Variants in RECQL5 observed in about 807,000 individuals in gnomAD.
RECQL5 encodes RecQ like helicase 5, also known as ATP-dependent DNA helicase Q5.
Under a neutral mutation model 103.4 loss-of-function variants are expected in RECQL5, and 88 were observed. The observed-to-expected ratio is 0.85, with a 90% CI of 0.72 to 1.02. The LOEUF (loss-of-function observed/expected upper bound fraction) is 1.02. Among genes scored for constraint, RECQL5 ranks in the 50% least tolerant of loss-of-function variants. The pLI, the probability that RECQL5 is intolerant of heterozygous loss-of-function variation, is 0.00. For missense variants in RECQL5, 1,232 were observed against 1,284.3 expected (o/e 0.96, Z 0.62); for synonymous variants, 552 against 507.9 (o/e 1.09, Z -1.17).
At position 75,650,481 on chromosome 17, in the gene RECQL5, C is replaced by T. The variant is rs183831963; in HGVS notation, c.1229+705G>A. ...AGTGGCCTCAGTCTACCATGAGCTT[C>T]GTGACTGTGACCTCTCTGGACCTCA... On this transcript the variant is annotated intron_variant, in intron 8 of 19. Coordinates refer to ENST00000317905, the MANE Select transcript of RECQL5 (RefSeq NM_004259.7). The T allele has an allele frequency of 5.0e-6, 7 of 1,390,118 alleles. No homozygotes were observed. In the South Asian group the frequency reaches 6.5e-5, roughly 13 times the overall value. The allele number at this position is 1,390,118 out of a possible 1,614,324, so 86.1% of individuals were successfully genotyped here. A position where few individuals can be genotyped will look rare whatever the true frequency, so the allele number is the denominator to read the frequency against.
chr17:75,628,353 G>C lies in RECQL5; in HGVS notation c.2670C>G (p.Ser890Arg), dbSNP rs981528060. ...CCGTGGGATTCAAGGTGCCCTGTTC[G>C]CTGGCCGAGACGCTGCCCTTGACCT... ...VAEVKGSVSA[S>R]EQGTLNPTAQ... Residue 890 changes from serine (S) to arginine (R), a missense_variant, in exon 18 of 20, where the codon AGC (serine) becomes AGG (arginine). Coordinates refer to ENST00000317905, the MANE Select transcript of RECQL5 (RefSeq NM_004259.7). 5 of 1,613,926 alleles carry C rather than the reference G, an allele frequency of 3.1e-6. No individual in the cohort carries two copies. The highest frequency in any genetic ancestry group is 4.2e-6 in the Non-Finnish European group (5 of 1,180,042).
chr17:75,666,394 A>C, intron 2 of RECQL5, 34 bp downstream of exon 2: 1 of 1,613,018 alleles, frequency 6.2e-7, no homozygotes, highest in Non-Finnish European at 8.5e-7. Context: ...TATAGCCAGC[A>C]TAAATTTAAA....
intron 7 of RECQL5, 102 bp from the exon 8 acceptor site, chr17:75,651,367 A>T: frequency 7.4e-7 from 1 of 1,343,986 alleles, no homozygotes. Context: ...CACGGCTGTA[A>T]TCCCAGCACT....
Position 75,627,278 on chromosome 17 carries a change from T to C in RECQL5, c.*144A>G, listed in dbSNP as rs1332247091. On this transcript the variant is annotated 3_prime_UTR_variant, in exon 20 of 20. Coordinates refer to ENST00000317905, the MANE Select transcript of RECQL5 (RefSeq NM_004259.7). ...ACCTCTGACCTGGATTCAGGGGGTGTCTGGGGTCATCCCCAAAGCCAAGTA... is the reference window on the plus strand; with the variant it reads ...ACCTCTGACCTGGATTCAGGGGGTGCCTGGGGTCATCCCCAAAGCCAAGTA... 1 of 729,404 alleles carries C rather than the reference T, an allele frequency of 1.4e-6. No homozygotes were observed. The highest frequency in any genetic ancestry group is 1.7e-5 in the African/African-American group (1 of 58,090). The allele number at this position is 729,404 out of a possible 1,614,324, so 45.2% of individuals were successfully genotyped here. A position where few individuals can be genotyped will look rare whatever the true frequency, so the allele number is the denominator to read the frequency against.
At chr17:75,638,888 T>A (rs938456530) in intron 8 of RECQL5, 2 of 152,294 alleles carry the variant, frequency 1.3e-5, no homozygotes, top group African/African-American at 4.8e-5. Context: ...CCGGCTGCCA[T>A]CTTGCTCCTG....
At chr17:75,650,938 G>T in intron 8 of RECQL5, 3 of 1,448,650 alleles carry the variant, frequency 2.1e-6, no homozygotes, top group South Asian at 2.9e-5. Context: ...CATCCCAGAA[G>T]AGGGTGGAGT....
chr17:75,651,236 T>G lies in RECQL5; in HGVS notation c.1179A>C (p.Lys393Asn), dbSNP rs938039888. The G allele has an allele frequency of 6.2e-7, 1 of 1,614,108 alleles. No homozygotes were observed. The highest frequency in any genetic ancestry group is 1.3e-5 in the African/African-American group (1 of 74,942). ...QEKRGNKASDKATIMAFDALV... is the reference protein window; with the variant it reads ...QEKRGNKASDNATIMAFDALV... The stretch of plus-strand genomic sequence containing the variant: ...GGGCATCAAAGGCCATGATAGTGGC[T>G]TTATCAGATGCTTTGTTTCCTCTCT... The change falls in exon 8 of 20, where the codon AAA becomes AAC. Residue 393 changes from lysine (K) to asparagine (N), a missense_variant. Coordinates refer to ENST00000317905, the MANE Select transcript of RECQL5 (RefSeq NM_004259.7).
chr17:75,631,089 G>A (rs1443877047), intron 10 of RECQL5, 61 bp downstream of exon 10: 3 of 1,609,988 alleles, frequency 1.9e-6, no homozygotes, highest in Non-Finnish European at 2.5e-6. Context: ...AGAAGGGGCT[G>A]AGAGGTGCGA....
intron 8 of RECQL5, chr17:75,647,358 C>T (rs1447497699): frequency 6.5e-7 from 1 of 1,539,930 alleles, no homozygotes; most frequent in Non-Finnish European, 8.8e-7. Flanking sequence ...GGTCCTCTGT[C>T]CCTCTTTTCC....
chr17:75,630,484 G>A (rs1005859000), intron 13 of RECQL5, 135 bp downstream of exon 13: 19 of 1,029,916 alleles, frequency 1.8e-5, no homozygotes, highest in Non-Finnish European at 2.8e-5. Context: ...TGGGGTTGTA[G>A]GGGCAGTCCC....
intron 8 of RECQL5, 151 bp downstream of exon 8, chr17:75,651,035 G>C: frequency 1.3e-6 from 2 of 1,547,754 alleles, no homozygotes; most frequent in Non-Finnish European, 1.7e-6. Context: ...GCAAGGTCCT[G>C]ACTTCCACAC....
chr17:75,628,788 C>T (rs370642399), intron 16 of RECQL5, 26 bp from the exon 17 acceptor site: 3 of 1,605,154 alleles, frequency 1.9e-6, no homozygotes, highest in African/African-American at 1.3e-5. Flanking sequence ...GCAGGCATCA[C>T]AGCACTGGGT....
At chr17:75,638,398 T>C (rs2059368714) in intron 8 of RECQL5, 1 of 152,264 alleles carries the variant, frequency 6.6e-6, no homozygotes, top group African/African-American at 2.4e-5. Flanking sequence ...GGAGAATCAC[T>C]TGAATCTGGG....
intron 18 of RECQL5, 119 bp downstream of exon 18, chr17:75,628,099 G>T: frequency 1.2e-6 from 1 of 860,146 alleles, no homozygotes; most frequent in Non-Finnish European, 1.9e-6. Flanking sequence ...CAGGGAGGAC[G>T]GGCGTGGGGC....
chr17:75,642,319 G>T (rs1012067632), intron 8 of RECQL5, among the ~76,000 whole-genome samples: 2 of 152,172 alleles, frequency 1.3e-5, no homozygotes, highest in African/African-American at 4.8e-5. Flanking sequence ...CATCATCTTG[G>T]CCTGCGTGAC....
At chr17:75,643,493 G>C (rs982108808) in intron 8 of RECQL5, among the ~76,000 whole-genome samples, 1 of 152,210 alleles carries the variant, frequency 6.6e-6, no homozygotes, top group Non-Finnish European at 1.5e-5. Flanking sequence ...CACCAGGCCC[G>C]GCTGTCGGGC....
chr17:75,627,446 A>G lies in RECQL5; in HGVS notation c.2952T>C (p.His984=), dbSNP rs770641867. The part of the protein sequence containing the change: ...RARCESEADW[H]GLCGPQR ...GTCATCTCTGGGGGCCACACAGGCCATGCCAGTCAGCTTCGCTCTCGCACC... is the reference window on the plus strand; with the variant it reads ...GTCATCTCTGGGGGCCACACAGGCCGTGCCAGTCAGCTTCGCTCTCGCACC... The change falls in exon 20 of 20, where the codon CAT becomes CAC. Residue 984 remains histidine, a synonymous_variant. Coordinates refer to ENST00000317905, the MANE Select transcript of RECQL5 (RefSeq NM_004259.7). 17 of 1,613,574 alleles carry G rather than the reference A, an allele frequency of 1.1e-5. No homozygotes were observed. Among genetic ancestry groups the G allele is most frequent in the African/African-American group, 2.7e-5 (2 of 75,074 alleles).
intron 7 of RECQL5, among the ~76,000 whole-genome samples, chr17:75,655,814 G>C (rs1346124532): frequency 6.6e-6 from 1 of 152,080 alleles, no homozygotes; most frequent in Non-Finnish European, 1.5e-5. Context: ...CCAGTAGCTG[G>C]GACTACAGGT....
chr17:75,653,371 C>T (rs924403209), intron 7 of RECQL5, among the ~76,000 whole-genome samples: 1 of 152,196 alleles, frequency 6.6e-6, no homozygotes, highest in African/African-American at 2.4e-5. Flanking sequence ...TCCTTCCTTG[C>T]CCATTCCTGG....
Sources: allele counts gnomAD v4.1 joint callset (sites outside exome capture counted in the v4.1 genomes callset), GRCh38; gene constraint gnomAD v4.1.1; transcripts MANE v1.5; gene names NCBI Gene and HGNC (gene_info 2026-07-23, HGNC 2026-07-21).